The following NPIPB11 variants were observed in gnomAD, a reference collection of about 807,000 sequenced individuals.
NPIPB11 encodes nuclear pore complex interacting protein family member B11, also known as nuclear pore complex-interacting protein family member B11.
A neutral mutation model predicts 32.8 loss-of-function variants in NPIPB11; 17 were observed. The ratio of observed to expected loss-of-function variants is 0.52; its 90% CI spans 0.35 to 0.78. The LOEUF is 0.78. Ranked by LOEUF, NPIPB11 falls within the 30% of genes least tolerant of loss-of-function variation. The pLI, the probability that NPIPB11 is intolerant of heterozygous loss-of-function variation, is 0.01. For missense variants in NPIPB11, 537 were observed against 1,000.4 expected, an observed-to-expected ratio of 0.54 and a Z score of 6.25; for synonymous variants, 209 against 398.4, an observed-to-expected ratio of 0.52 and a Z score of 5.66.
rs879391951 is a variant in NPIPB11 at position 29,395,932 on chromosome 16, T to C, written c.121-1856A>G. On this transcript the variant is annotated intron_variant, in intron 2 of 7. Transcript: ENST00000524087. Reference sequence around the variant, plus strand: ...GGCAGAGGTTGCAGTGAGCCGAGATTGCACCACTGCACTTCAGCCTGGGTG... The same window carrying C: ...GGCAGAGGTTGCAGTGAGCCGAGATCGCACCACTGCACTTCAGCCTGGGTG... Among the ~76,000 whole-genome samples, 152 of 148,676 alleles carry C rather than the reference T, an allele frequency of 1.0e-3. 2 individuals carry two copies. Among genetic ancestry groups the C allele is most frequent in the Middle Eastern group, 3.5e-3 (1 of 286 alleles).
At chr16:29,402,934 T>A (rs565023726) in intron 2 of NPIPB11, among the ~76,000 whole-genome samples, 15 of 146,218 alleles carry the variant, frequency 1.0e-4, no homozygotes, top group African/African-American at 3.1e-4. Flanking sequence ...TATTACATGT[T>A]GTAAAATAAA....
At chr16:29,397,598 C>T (rs1173408495) in intron 2 of NPIPB11, 36 of 1,514,742 alleles carry the variant, frequency 2.4e-5, no homozygotes, top group East Asian at 7.4e-5. Flanking sequence ...TAAATTCCAG[C>T]AGGAGCCCAA....
intron 2 of NPIPB11, among the ~76,000 whole-genome samples, chr16:29,401,878 C>G (rs935821539): frequency 5.8e-4 from 88 of 151,678 alleles, no homozygotes; most frequent in African/African-American, 2.0e-3. Flanking sequence ...GCAGCATGGG[C>G]AAGAAAAGAG....
Position 29,390,961 on chromosome 16 carries a change from C to CAA in NPIPB11, c.250-615_250-614dup, listed in dbSNP as rs1173802573. On this transcript the variant is annotated intron_variant, in intron 3 of 7. Coordinates refer to ENST00000524087, the Ensembl canonical transcript of NPIPB11. ...CTGGGCAACAAAATTGAAACTGTCT[C>CAA]AAAAAAAAAAAAAAAAAAAAAAATA... 9.3e-3 allele frequency among the ~76,000 whole-genome samples: 785 copies of CAA among 84,442 alleles called. 16 individuals are homozygous for CAA. The highest frequency in any genetic ancestry group is 0.028 in the African/African-American group (593 of 21,406). 55.4% of individuals were successfully genotyped at this position (84,442 alleles called of 152,430 possible).
chr16:29,383,194 T>C, exon 8 of NPIPB11: 2 of 1,566,354 alleles, frequency 1.3e-6, no homozygotes, highest in Non-Finnish European at 1.7e-6. Flanking sequence ...GGTGTCTTGA[T>C]ATTATCATCT....
exon 8 of NPIPB11, chr16:29,382,234 G>A (rs760156946): frequency 3.1e-6 from 5 of 1,590,976 alleles, no homozygotes; most frequent in Non-Finnish European, 2.6e-6. Context: ...CGTTTGGAAG[G>A]TGTCTTGAGA....
intron 2 of NPIPB11, among the ~76,000 whole-genome samples, chr16:29,401,755 T>C (rs1280019140): frequency 6.6e-6 from 1 of 152,052 alleles, no homozygotes; most frequent in Non-Finnish European, 1.5e-5. Context: ...CTGGCCACCC[T>C]CTCCTTCATC....
intron 4 of NPIPB11, 51 bp from the exon 5 acceptor site, chr16:29,390,187 T>C: frequency 2.6e-6 from 4 of 1,529,132 alleles, no homozygotes; most frequent in Admixed American, 3.4e-5. Context: ...GGCAAGAAGC[T>C]GTTCTTTCCC....
chr16:29,406,507 C>G (rs576258730), upstream of NPIPB11, among the ~76,000 whole-genome samples: 2 of 152,164 alleles, frequency 1.3e-5, no homozygotes, highest in Non-Finnish European at 2.9e-5. Flanking sequence ...CACCTGAGGT[C>G]GGGAGTTCCA....
chr16:29,397,661 C>A (rs1431437970), intron 2 of NPIPB11: 42 of 1,335,036 alleles, frequency 3.1e-5, no homozygotes, highest in South Asian at 8.8e-5. Flanking sequence ...CCTTTCAGGG[C>A]GCCCTGAGGC....
chr16:29,393,585 G>A (rs1302152308), intron 3 of NPIPB11, among the ~76,000 whole-genome samples: 2 of 150,998 alleles, frequency 1.3e-5, no homozygotes, highest in South Asian at 4.2e-4. Flanking sequence ...AATCTTCAGA[G>A]AGGAGATTGG....
chr16:29,383,215 G>T, exon 8 of NPIPB11: 1 of 1,567,258 alleles, frequency 6.4e-7, no homozygotes, highest in Middle Eastern at 2.4e-4. Flanking sequence ...GCTGAGGGTG[G>T]AGCTGAGGGT....
intron 2 of NPIPB11, chr16:29,397,546 C>A (rs572263501): frequency 1.3e-6 from 2 of 1,521,958 alleles, no homozygotes; most frequent in South Asian, 2.4e-5. Context: ...GAAGAAACCC[C>A]GAGGGTCCAG....
exon 8 of NPIPB11, chr16:29,382,274 C>A (rs1339584649): frequency 9.4e-6 from 15 of 1,603,624 alleles, no homozygotes; most frequent in Middle Eastern, 2.3e-4. Context: ...GAAGCGGAAC[C>A]CACAGACGCT....
intron 2 of NPIPB11, among the ~76,000 whole-genome samples, chr16:29,396,877 C>T (rs992832084): frequency 1.2e-4 from 18 of 151,138 alleles, no homozygotes; most frequent in African/African-American, 2.4e-4. Context: ...TTTGGCCAGG[C>T]GCGGTGGCTC....
intron 2 of NPIPB11, among the ~76,000 whole-genome samples, chr16:29,401,603 C>A (rs1458498516): frequency 6.6e-6 from 1 of 152,102 alleles, no homozygotes; most frequent in Non-Finnish European, 1.5e-5. Flanking sequence ...CATATGACAG[C>A]CTTAATGGAG....
exon 8 of NPIPB11, chr16:29,384,174 T>G: frequency 6.4e-7 from 1 of 1,567,548 alleles, no homozygotes; most frequent in Non-Finnish European, 8.5e-7. Context: ...TATACAATGT[T>G]GTTGAGTTGG....
chr16:29,397,008 C>T (rs1017338095), intron 2 of NPIPB11, among the ~76,000 whole-genome samples: 5 of 151,378 alleles, frequency 3.3e-5, no homozygotes, highest in African/African-American at 1.2e-4. Flanking sequence ...ATTAGCCAGG[C>T]GTGGTGGTCT....
chr16:29,391,572 A>G (rs1277197026), intron 3 of NPIPB11, among the ~76,000 whole-genome samples: 1 of 150,926 alleles, frequency 6.6e-6, no homozygotes, highest in Non-Finnish European at 1.5e-5. Context: ...ATTCTCACTA[A>G]TGACTGAATT....
Sources: allele counts gnomAD v4.1 joint callset (sites outside exome capture counted in the v4.1 genomes callset), GRCh38; gene constraint gnomAD v4.1.1; transcripts MANE v1.5; gene names NCBI Gene and HGNC (gene_info 2026-07-23, HGNC 2026-07-21).